Variants in WDR64 observed in about 807,000 individuals in gnomAD.
The protein encoded by WDR64 is WD repeat domain 64.
WDR64 carries 112 observed loss-of-function variants against 139.3 expected under a neutral mutation model. The ratio of observed to expected loss-of-function variants is 0.80; its 90% CI spans 0.69 to 0.94. The LOEUF is 0.94. Among genes scored for constraint, WDR64 ranks in the 40% least tolerant of loss-of-function variants. WDR64 has a pLI of 0.00. For missense variants in WDR64, 1,206 were observed against 1,293.1 expected, an observed-to-expected ratio of 0.93 and a Z score of 1.03; for synonymous variants, 444 against 437.7, an observed-to-expected ratio of 1.01 and a Z score of -0.18.
intron 26 of WDR64, among the ~76,000 whole-genome samples, chr1:241,796,050 C>A (rs1305094455): frequency 6.6e-6 from 1 of 151,944 alleles, no homozygotes; most frequent in Non-Finnish European, 1.5e-5. Flanking sequence ...AAATTTGAGA[C>A]CAGCCTGGGC....
At chr1:241,795,326 A>G (rs374786649) in intron 26 of WDR64, 39 bp downstream of exon 26, 1 of 1,555,796 alleles carries the variant, frequency 6.4e-7, no homozygotes, top group African/African-American at 1.4e-5. Context: ...GTCACAGAAC[A>G]GTAGAGAATC....
At chr1:241,788,210 G>A (rs186186448) in intron 24 of WDR64, among the ~76,000 whole-genome samples, 176 bp downstream of exon 24, 282 of 152,276 alleles carry the variant, frequency 1.9e-3, no homozygotes, top group Non-Finnish European at 2.6e-3. Flanking sequence ...GTACTTCTGG[G>A]AACATCTGAT....
intron 7 of WDR64, among the ~76,000 whole-genome samples, chr1:241,685,681 G>A (rs569177580): frequency 1.4e-4 from 22 of 152,064 alleles, no homozygotes; most frequent in African/African-American, 4.6e-4. Flanking sequence ...CTGATACTAC[G>A]TGGAATTAAG....
chr1:241,756,538 G>T (rs756078045), intron 14 of WDR64, among the ~76,000 whole-genome samples: 2 of 151,938 alleles, frequency 1.3e-5, no homozygotes, highest in Admixed American at 6.6e-5. Context: ...ATTTGAAAGG[G>T]TATTAAAAAT....
At chr1:241,738,145 A>G (rs2148236164) in intron 10 of WDR64, among the ~76,000 whole-genome samples, 1 of 137,832 alleles carries the variant, frequency 7.3e-6, no homozygotes, top group African/African-American at 2.6e-5. Context: ...GTATACCTTT[A>G]AGCAAAGTAA....
chr1:241,713,811 G>A (rs769026540), intron 9 of WDR64, among the ~76,000 whole-genome samples: 7 of 152,116 alleles, frequency 4.6e-5, no homozygotes, highest in African/African-American at 1.7e-4. Context: ...AGAAAGACTC[G>A]ACCTCAAAGA....
chr1:241,798,114 AAAG>A (rs1463131017), intron 27 of WDR64, among the ~76,000 whole-genome samples: 2 of 152,196 alleles, frequency 1.3e-5, no homozygotes, highest in Non-Finnish European at 2.9e-5. Context: ...TAGAGATCAT[AAAG>A]AATGATAAAT....
intron 8 of WDR64, among the ~76,000 whole-genome samples, chr1:241,689,408 CTAA>C (rs1330594469): frequency 2.6e-5 from 4 of 152,028 alleles, no homozygotes; most frequent in African/African-American, 9.7e-5. Flanking sequence ...ATATACTATG[CTAA>C]AACTTATCAA....
At chr1:241,675,471 G>A (rs190335086) in intron 4 of WDR64, among the ~76,000 whole-genome samples, 46 of 152,238 alleles carry the variant, frequency 3.0e-4, no homozygotes, top group Admixed American at 2.0e-3. Flanking sequence ...TGAAACTGGT[G>A]ACTGCATTTG....
Position 241,679,529 on chromosome 1 carries a change from A to G in WDR64, c.558A>G (p.Lys186=), listed in dbSNP as rs910780385. Reference sequence around the variant, plus strand: ...GGTGTGATTACCTCTTGCAGCTGAAACGAATCGTAGCCACAACCGAAAGGA... The same window carrying G: ...GGTGTGATTACCTCTTGCAGCTGAAGCGAATCGTAGCCACAACCGAAAGGA... ...ITGCDYLLQL[K]RIVATTERTI... Residue 186 remains lysine (K), a synonymous_variant, in exon 6 of 28, where the codon AAA becomes AAG. Transcript: ENST00000437684. 1 of 1,551,508 alleles carries G rather than the reference A, an allele frequency of 6.4e-7. No homozygotes were observed. The highest frequency in any genetic ancestry group is 1.4e-5 in the African/African-American group (1 of 73,022).
chr1:241,728,631 T>C (rs1300238802), intron 10 of WDR64, among the ~76,000 whole-genome samples: 1 of 152,208 alleles, frequency 6.6e-6, no homozygotes, highest in Non-Finnish European at 1.5e-5. Flanking sequence ...ATTGTATGTC[T>C]AGTCACAGAG....
chr1:241,772,841 A>T lies in WDR64; in HGVS notation c.2340A>T (p.Lys780Asn), dbSNP rs1020922687. 7.1e-6 allele frequency: 11 copies of T among 1,552,076 alleles called. No individual in the cohort carries two copies. The highest frequency in any genetic ancestry group is 9.6e-6 in the Non-Finnish European group (11 of 1,147,058). ...MVGKQQPMDK[K>N]HPGIANLPEA... ...GAAAGCAACAGCCAATGGACAAAAA[A>T]CACCCTGGAATTGCCAATTTACCAG... Residue 780 changes from lysine to asparagine, a missense_variant, in exon 20 of 28, where the codon AAA (lysine) becomes AAT (asparagine). Lys to Asn is a moderately conservative substitution (Grantham distance 94). Coordinates refer to ENST00000437684, the MANE Select transcript of WDR64 (RefSeq NM_001367482.1).
At chr1:241,796,492 CT>C (rs5782206) in intron 27 of WDR64, 122 bp downstream of exon 27, 209,154 of 498,298 alleles carry the variant, frequency 0.42, 18,201 homozygotes, top group Non-Finnish European at 0.45. Context: ...TCAGTTCATA[CT>C]TTTTTTTTTT....
intron 14 of WDR64, 120 bp downstream of exon 14, chr1:241,749,842 TC>T (rs1293857947): frequency 8.7e-7 from 1 of 1,145,188 alleles, no homozygotes; most frequent in Non-Finnish European, 1.2e-6. Flanking sequence ...ATGGTATTTA[TC>T]CTCAGCCTTC....
At chr1:241,734,634 T>A (rs1426727097) in intron 10 of WDR64, among the ~76,000 whole-genome samples, 1 of 152,010 alleles carries the variant, frequency 6.6e-6, no homozygotes, top group African/African-American at 2.4e-5. Flanking sequence ...CTAAACAGAA[T>A]ACATAAGACA....
intron 10 of WDR64, among the ~76,000 whole-genome samples, chr1:241,733,953 A>G (rs1669192556): frequency 6.6e-6 from 1 of 152,164 alleles, no homozygotes; most frequent in Non-Finnish European, 1.5e-5. Context: ...TAAGTGAAAG[A>G]AGACTAGAGC....
chr1:241,753,975 C>A (rs1670076041), intron 14 of WDR64, among the ~76,000 whole-genome samples: 4 of 151,896 alleles, frequency 2.6e-5, no homozygotes, highest in African/African-American at 9.7e-5. Flanking sequence ...AAGTCACAGA[C>A]CGTGAAAAGA....
intron 8 of WDR64, among the ~76,000 whole-genome samples, chr1:241,706,909 T>C (rs1447537816): frequency 6.6e-6 from 1 of 152,236 alleles, no homozygotes; most frequent in Non-Finnish European, 1.5e-5. Context: ...TGGTAGCCTG[T>C]TAGCCAAATG....
intron 6 of WDR64, among the ~76,000 whole-genome samples, chr1:241,681,243 A>T (rs1666779798): frequency 6.6e-6 from 1 of 152,066 alleles, no homozygotes; most frequent in Admixed American, 6.6e-5. Flanking sequence ...TACTGAACCC[A>T]ATTTGTAGTC....
Sources: gnomAD v4.1 joint callset for allele counts (sites outside exome capture counted in the v4.1 genomes callset) on GRCh38, gnomAD v4.1.1 for gene constraint, MANE v1.5 for transcripts, NCBI Gene and HGNC (gene_info 2026-07-23, HGNC 2026-07-21) for gene names.